ZNF100: variants seen among roughly 807,000 people sequenced by gnomAD.
ZNF100 encodes the protein zinc finger protein 100, also known as zinc finger protein 100 (Y1).
ZNF100 carries 12 observed loss-of-function variants against 15.8 expected under a neutral mutation model. The ratio of observed to expected loss-of-function variants is 0.76; its 90% CI spans 0.49 to 1.23. The LOEUF is 1.23. Ranked by LOEUF, ZNF100 falls within the 50% of genes most tolerant of loss-of-function variation. The pLI is 0.00. For missense variants in ZNF100, 670 were observed against 635.6 expected (o/e 1.05, Z -0.58); for synonymous variants, 226 against 214.8 (o/e 1.05, Z -0.45).
intron 4 of ZNF100, among the ~76,000 whole-genome samples, chr19:21,730,445 A>AGAGTGTGT (rs71178761): frequency 0.038 from 5,668 of 147,646 alleles, 120 homozygotes; most frequent in Admixed American, 0.042. Flanking sequence ...TGATAACCTA[A>AGAGTGTGT]GTGTGTGTGT....
intron 4 of ZNF100, among the ~76,000 whole-genome samples, chr19:21,739,048 G>A (rs1255904918): frequency 2.0e-5 from 3 of 152,174 alleles, no homozygotes; most frequent in Non-Finnish European, 4.4e-5. Context: ...AGGCATTTAT[G>A]AGAAATTCGT....
intron 2 of ZNF100, among the ~76,000 whole-genome samples, chr19:21,758,921 C>T (rs540622367): frequency 1.3e-5 from 2 of 152,298 alleles, no homozygotes; most frequent in East Asian, 3.9e-4. Context: ...CACTCCAAGA[C>T]ACCAAGAGTT....
intron 2 of ZNF100, among the ~76,000 whole-genome samples, chr19:21,750,067 T>A (rs2036276389): frequency 6.6e-6 from 1 of 152,188 alleles, no homozygotes; most frequent in African/African-American, 2.4e-5. Flanking sequence ...TGAGGCAACA[T>A]GAATATAAGT....
chr19:21,743,845 G>A (rs1335589296), intron 4 of ZNF100, among the ~76,000 whole-genome samples, 172 bp downstream of exon 4: 7 of 93,992 alleles, frequency 7.4e-5, no homozygotes, highest in East Asian at 3.1e-4. Context: ...ATGCCCCTAC[G>A]TGACAGCCAA....
chr19:21,759,340 AC>A (rs1248938911), intron 2 of ZNF100, among the ~76,000 whole-genome samples: 2 of 152,266 alleles, frequency 1.3e-5, no homozygotes, highest in East Asian at 3.9e-4. Context: ...CATATAGATA[AC>A]CCTGGTAAAT....
intron 2 of ZNF100, among the ~76,000 whole-genome samples, chr19:21,760,075 G>A (rs56168029): frequency 0.51 from 77,466 of 151,310 alleles, 20,634 homozygotes; most frequent in East Asian, 0.64. Context: ...CCAGCAACTC[G>A]GGAGGCTGAG....
Position 21,726,948 on chromosome 19 carries a change from T to C in ZNF100, c.1364A>G (p.Lys455Arg). The C allele has an allele frequency of 6.2e-7, 1 of 1,611,428 alleles. No individual in the cohort carries two copies. The highest frequency in any genetic ancestry group is 1.1e-5 in the South Asian group (1 of 90,448). The stretch of plus-strand genomic sequence containing the variant: ...GCCACATTCGTCACATTTGTAGGGT[T>C]TCTCTCCAGTATGAATCATCTTATG... The part of the protein sequence containing the change: ...TTHKMIHTGE[K>R]PYKCDECGKA... Residue 455 changes from lysine to arginine, a missense_variant, in exon 5 of 5, where the codon AAA (lysine) becomes AGA (arginine). By Grantham distance (26) the Lys-to-Arg change is conservative. Coordinates refer to ENST00000358296, the MANE Select transcript of ZNF100 (RefSeq NM_173531.4).
At chr19:21,756,428 T>A (rs2145737658) in intron 2 of ZNF100, among the ~76,000 whole-genome samples, 1 of 152,240 alleles carries the variant, frequency 6.6e-6, no homozygotes, top group South Asian at 2.1e-4. Context: ...CAGTAGCATC[T>A]CTGTACATCA....
rs1252262244 is a variant in ZNF100, at chr19:21,734,501, A to G, written c.323-6512T>C. Among the ~76,000 whole-genome samples the G allele has an allele frequency of 2.6e-5, 4 of 152,192 alleles. No homozygotes were observed. The East Asian group carries it at 7.7e-4, about 29-fold the overall frequency. On this transcript the variant is annotated intron_variant, in intron 4 of 4. Transcript: ENST00000358296. ...ATCTTGCTAAAATAAGGCAGATAAG[A>G]TTGAAAAAATAAAAATAAAAAGGAA...
At chr19:21,750,919 G>A (rs2036295570) in intron 2 of ZNF100, 6 of 649,102 alleles carry the variant, frequency 9.2e-6, no homozygotes, top group Admixed American at 2.9e-5. Flanking sequence ...TGGTGCCAGA[G>A]CTGTACTGCG....
At chr19:21,736,934 A>G (rs191643292) in intron 4 of ZNF100, among the ~76,000 whole-genome samples, 141 of 152,292 alleles carry the variant, frequency 9.3e-4, no homozygotes, top group African/African-American at 3.3e-3. Context: ...ACCCACATCA[A>G]AAAGCTAGAA....
intron 4 of ZNF100, among the ~76,000 whole-genome samples, chr19:21,734,896 C>T (rs1460990233): frequency 1.3e-5 from 2 of 152,048 alleles, no homozygotes; most frequent in Non-Finnish European, 2.9e-5. Flanking sequence ...ACATTGGGGG[C>T]CAATATTCAG....
intron 2 of ZNF100, among the ~76,000 whole-genome samples, chr19:21,755,166 C>T (rs1355080287): frequency 6.6e-6 from 1 of 151,906 alleles, no homozygotes; most frequent in Non-Finnish European, 1.5e-5. Context: ...ACAAACTTAG[C>T]CAGGCATGGT....
intron 2 of ZNF100, chr19:21,753,579 T>C (rs1269854442): frequency 6.6e-6 from 1 of 152,064 alleles, no homozygotes; most frequent in Non-Finnish European, 1.5e-5. Flanking sequence ...AGACCCTATC[T>C]CAAAAGAAGG....
At chr19:21,739,743 G>T (rs2036075351) in intron 4 of ZNF100, among the ~76,000 whole-genome samples, 1 of 152,182 alleles carries the variant, frequency 6.6e-6, no homozygotes, top group African/African-American at 2.4e-5. Flanking sequence ...GGGAGGCTGA[G>T]GCAAGAGACC....
chr19:21,755,951 C>T (rs553757625), intron 2 of ZNF100, among the ~76,000 whole-genome samples: 1 of 152,118 alleles, frequency 6.6e-6, no homozygotes, highest in Non-Finnish European at 1.5e-5. Context: ...GGTGAGGAGA[C>T]AGAACATAGA....
At chr19:21,732,549 A>G (rs2035937749) in intron 4 of ZNF100, among the ~76,000 whole-genome samples, 1 of 151,944 alleles carries the variant, frequency 6.6e-6, no homozygotes, top group Non-Finnish European at 1.5e-5. Flanking sequence ...ACACAATGGC[A>G]ATATAAAATA....
intron 2 of ZNF100, among the ~76,000 whole-genome samples, chr19:21,754,509 T>C (rs2036361345): frequency 6.6e-6 from 1 of 152,162 alleles, no homozygotes; most frequent in South Asian, 2.1e-4. Context: ...CATCTGACCT[T>C]TGACAAACCT....
At position 21,744,977 on chromosome 19, in the gene ZNF100, C is replaced by T. The variant is rs200670888; in HGVS notation, c.187G>A (p.Val63Met). ...DSAQQGLYRKVMLENYRNLVF... is the reference protein window; with the variant it reads ...DSAQQGLYRKMMLENYRNLVF... Reference sequence around the variant, plus strand: ...AGGTTTCTGTAGTTCTCTAACATCACTTTCCTATACAAACCCTGCTGAGCA... The same window carrying T: ...AGGTTTCTGTAGTTCTCTAACATCATTTTCCTATACAAACCCTGCTGAGCA... Residue 63 changes from valine (V) to methionine (M), a missense_variant, in exon 3 of 5, where the codon GTG becomes ATG. Transcript: ENST00000358296. 45 of 1,610,620 alleles carry T rather than the reference C, an allele frequency of 2.8e-5. No individual in the cohort carries two copies. Among genetic ancestry groups the T allele is most frequent in the Non-Finnish European group, 3.3e-5 (39 of 1,179,370 alleles).
Sources: allele counts gnomAD v4.1 joint callset (sites outside exome capture counted in the v4.1 genomes callset), GRCh38; gene constraint gnomAD v4.1.1; transcripts MANE v1.5; gene names NCBI Gene and HGNC (gene_info 2026-07-23, HGNC 2026-07-21).